Variants in GNB5 observed in about 807,000 individuals in gnomAD.
GNB5 encodes the protein G protein subunit beta 5, also known as guanine nucleotide-binding protein subunit beta-5.
Under a neutral mutation model 55.3 loss-of-function variants are expected in GNB5, and 37 were observed. The ratio of observed to expected loss-of-function variants is 0.67; its 90% confidence interval spans 0.51 to 0.88. The LOEUF (loss-of-function observed/expected upper bound fraction) is 0.88. GNB5 is among the 40% of genes least tolerant of loss of function. The pLI is 0.00. For synonymous variants in GNB5, 219 were observed against 198.5 expected (o/e 1.10, Z -0.87); for missense variants, 476 against 515.3 (o/e 0.92, Z 0.74).
intron 7 of GNB5, among the ~76,000 whole-genome samples, chr15:52,139,410 T>C (rs189440314): frequency 6.6e-6 from 1 of 152,270 alleles, no homozygotes; most frequent in Non-Finnish European, 1.5e-5. Flanking sequence ...GAGCCCAGAC[T>C]GTGCCACTGT....
At chr15:52,134,294 C>T (rs2033646954) in intron 8 of GNB5, among the ~76,000 whole-genome samples, 1 of 152,156 alleles carries the variant, frequency 6.6e-6, no homozygotes, top group African/African-American at 2.4e-5. Flanking sequence ...TATGATCAAA[C>T]AGCTAAAAAG....
intron 9 of GNB5, among the ~76,000 whole-genome samples, chr15:52,131,665 AGTG>A (rs2033577232): frequency 6.6e-6 from 1 of 152,214 alleles, no homozygotes; most frequent in Non-Finnish European, 1.5e-5. Context: ...AGTTACAATA[AGTG>A]AGTCTTTTTT....
intron 3 of GNB5, among the ~76,000 whole-genome samples, chr15:52,169,416 T>C (rs1484839102): frequency 2.0e-5 from 3 of 150,714 alleles, no homozygotes. Flanking sequence ...TGGGCACCTG[T>C]AATCCCAGCT....
chr15:52,148,500 T>G (rs1344675104), intron 5 of GNB5, among the ~76,000 whole-genome samples: 1 of 152,126 alleles, frequency 6.6e-6, no homozygotes, highest in African/African-American at 2.4e-5. Flanking sequence ...TTGGTGGTGG[T>G]AGAACCAGGA....
Position 52,184,449 on chromosome 15 carries a change from G to A in GNB5, c.126+102C>T, listed in dbSNP as rs576188822. On this transcript the variant is annotated intron_variant, in intron 2 of 12. Coordinates refer to ENST00000261837, the MANE Select transcript of GNB5 (RefSeq NM_016194.4). Reference sequence around the variant, plus strand: ...TCACCAAGCCCAGGCATACTGAAAAGTGTGTGTTATATAAGCTGATTCTAT... The same window carrying A: ...TCACCAAGCCCAGGCATACTGAAAAATGTGTGTTATATAAGCTGATTCTAT... The A allele has an allele frequency of 1.0e-5, 10 of 984,084 alleles. No homozygotes were observed. In the South Asian group the frequency reaches 1.4e-4, roughly 14 times the overall value. 61.0% of individuals were successfully genotyped at this position (984,084 alleles called of 1,614,324 possible).
At chr15:52,163,475 G>C (rs908180540) in intron 3 of GNB5, among the ~76,000 whole-genome samples, 2 of 152,234 alleles carry the variant, frequency 1.3e-5, no homozygotes, top group Non-Finnish European at 2.9e-5. Context: ...GACGGCCTGA[G>C]ACGACCGAGC....
chr15:52,159,078 A>C (rs1358018711), intron 3 of GNB5, among the ~76,000 whole-genome samples: 1 of 152,234 alleles, frequency 6.6e-6, no homozygotes, highest in Admixed American at 6.5e-5. Flanking sequence ...TGGCAAAAGC[A>C]AAGGCCCAAC....
chr15:52,144,832 T>G (rs2033935805), intron 6 of GNB5, among the ~76,000 whole-genome samples: 1 of 152,224 alleles, frequency 6.6e-6, no homozygotes, highest in South Asian at 2.1e-4. Context: ...TGTATTACCA[T>G]ACACCGTGGC....
chr15:52,145,599 C>A (rs2033956298), intron 6 of GNB5, among the ~76,000 whole-genome samples: 1 of 152,102 alleles, frequency 6.6e-6, no homozygotes, highest in Non-Finnish European at 1.5e-5. Context: ...GAGCCGAGAT[C>A]ATGCCACTGC....
At chr15:52,178,536 G>T (rs1266940684) in intron 3 of GNB5, among the ~76,000 whole-genome samples, 2 of 152,172 alleles carry the variant, frequency 1.3e-5, no homozygotes, top group Non-Finnish European at 2.9e-5. Flanking sequence ...GTCCCTTGGT[G>T]GGGGGTGCAT....
chr15:52,137,654 G>C lies in GNB5; in HGVS notation c.628-1898C>G, dbSNP rs895930383. 4.4e-6 allele frequency: 5 copies of C among 1,147,040 alleles called. No homozygotes were observed. In the African/African-American group the frequency reaches 6.5e-5, roughly 15 times the overall value. The allele number at this position is 1,147,040 out of a possible 1,614,324, so 71.1% of individuals were successfully genotyped here. A position where few individuals can be genotyped will look rare whatever the true frequency, so the allele number is the denominator to read the frequency against. On this transcript the variant is annotated intron_variant, in intron 7 of 12. Transcript: ENST00000261837. ...GGACAGGGCTGGAATTTTACTTTTT[G>C]TCACTGCCAGTGTGTATGAGGCCTG...
chr15:52,145,577 G>A (rs1290521186), intron 6 of GNB5, among the ~76,000 whole-genome samples: 25 of 152,188 alleles, frequency 1.6e-4, no homozygotes, highest in Admixed American at 1.2e-3. Flanking sequence ...CCCAGGGAGC[G>A]GAGGTTGCAG....
At chr15:52,130,674 G>A (rs760737317) in intron 9 of GNB5, among the ~76,000 whole-genome samples, 7 of 152,212 alleles carry the variant, frequency 4.6e-5, no homozygotes, top group Admixed American at 1.3e-4. Flanking sequence ...ATGCAGTGTG[G>A]TCTCCCTCAC....
At chr15:52,146,874 C>T (rs998572256) in intron 6 of GNB5, among the ~76,000 whole-genome samples, 4 of 151,122 alleles carry the variant, frequency 2.6e-5, no homozygotes, top group East Asian at 2.0e-4. Context: ...AGAGTCACCA[C>T]GCCTGGTACT....
At chr15:52,157,248 GC>G (rs1385736557) in intron 3 of GNB5, among the ~76,000 whole-genome samples, 3 of 128,756 alleles carry the variant, frequency 2.3e-5, no homozygotes, top group African/African-American at 8.9e-5. Context: ...ATTCTTATAG[GC>G]CTTTTTTTTT....
chr15:52,181,278 C>T (rs1179829016), intron 2 of GNB5: 2 of 152,336 alleles, frequency 1.3e-5, no homozygotes, highest in South Asian at 2.1e-4. Flanking sequence ...TCTGGAAAAG[C>T]TTCTTCATAG....
chr15:52,137,589 T>C (rs866649663), intron 7 of GNB5: 1 of 1,092,990 alleles, frequency 9.1e-7, no homozygotes, highest in Non-Finnish European at 1.1e-6. Flanking sequence ...AGGTCAGCCA[T>C]AGAGTAAAGG....
intron 8 of GNB5, among the ~76,000 whole-genome samples, chr15:52,134,872 T>C (rs901547235): frequency 2.0e-4 from 31 of 152,022 alleles, no homozygotes; most frequent in African/African-American, 2.4e-5. Context: ...CCAGAAAGAC[T>C]TGCCCCTCCC....
intron 3 of GNB5, among the ~76,000 whole-genome samples, chr15:52,160,080 T>C (rs1224474186): frequency 6.6e-6 from 1 of 151,972 alleles, no homozygotes; most frequent in Non-Finnish European, 1.5e-5. Flanking sequence ...CCTGAGTAGC[T>C]GGAATTCCAG....
Sources: allele counts gnomAD v4.1 joint callset (sites outside exome capture counted in the v4.1 genomes callset), GRCh38; gene constraint gnomAD v4.1.1; transcripts MANE v1.5; gene names NCBI Gene and HGNC (gene_info 2026-07-23, HGNC 2026-07-21).